The following PDE4B variants were observed in gnomAD, a reference collection of about 807,000 sequenced individuals.
PDE4B encodes phosphodiesterase 4B.
PDE4B carries 20 observed loss-of-function variants against 82.2 expected under a neutral mutation model. The ratio of observed to expected loss-of-function variants is 0.24; its 90% CI spans 0.17 to 0.35. The LOEUF (loss-of-function observed/expected upper bound fraction) is 0.35. PDE4B is among the 10% of genes least tolerant of loss of function. The pLI, the probability that PDE4B is intolerant of heterozygous loss-of-function variation, is 1.00. For synonymous variants in PDE4B, 320 were observed against 318.9 expected, an observed-to-expected ratio of 1.00 and a Z score of -0.04; for missense variants, 655 against 907.2, an observed-to-expected ratio of 0.72 and a Z score of 3.57.
intron 8 of PDE4B, among the ~76,000 whole-genome samples, chr1:66,342,739 A>C (rs1156654238): frequency 2.0e-5 from 3 of 149,494 alleles, no homozygotes; most frequent in South Asian, 2.1e-4. Context: ...TCAAAAAAAA[A>C]AAAACAAAAC....
intron 7 of PDE4B, among the ~76,000 whole-genome samples, chr1:66,280,315 A>G (rs959000821): frequency 6.6e-6 from 1 of 152,272 alleles, no homozygotes; most frequent in Non-Finnish European, 1.5e-5. Flanking sequence ...CCACACAAAC[A>G]CATCACCATT....
rs536616869 is a variant in PDE4B, at chr1:65,849,105, A to G, written c.-71+55857A>G. Among the ~76,000 whole-genome samples the G allele has an allele frequency of 9.2e-5, 14 of 152,296 alleles. No individual in the cohort carries two copies. The South Asian group carries it at 2.3e-3, about 25-fold the overall frequency. ...CAGAATAGAAAGAAGCAACCACTCT[A>G]TTTGAGAGGGCATGCTCATGGCTCA... On this transcript the variant is annotated intron_variant, in intron 1 of 16. Transcript: ENST00000341517.
Position 66,233,784 on chromosome 1 carries a change from G to A in PDE4B, c.282-13676G>A, listed in dbSNP as rs137978717. 5.5e-4 allele frequency among the ~76,000 whole-genome samples: 83 copies of A among 151,950 alleles called. No homozygotes were observed. The Middle Eastern group carries it at 0.014, about 25-fold the overall frequency. Reference sequence around the variant, plus strand: ...TAATTATGTGATTACATGTATGTTGGTTTGTTTTTCAGTCTGTTAGCATGG... The same window carrying A: ...TAATTATGTGATTACATGTATGTTGATTTGTTTTTCAGTCTGTTAGCATGG... On this transcript the variant is annotated intron_variant, in intron 3 of 16. Coordinates refer to ENST00000341517, the MANE Select transcript of PDE4B (RefSeq NM_002600.4).
chr1:65,841,381 A>AAAGGAAGG (rs71590332), intron 1 of PDE4B, among the ~76,000 whole-genome samples: 23,551 of 150,228 alleles, frequency 0.16, 1,951 homozygotes, highest in African/African-American at 0.18. Flanking sequence ...AAAGGAAAGG[A>AAAGGAAGG]AAGGAAGGAA....
intron 3 of PDE4B, among the ~76,000 whole-genome samples, chr1:66,018,234 C>T (rs906441432): frequency 1.3e-5 from 2 of 151,780 alleles, no homozygotes; most frequent in African/African-American, 2.4e-5. Flanking sequence ...TGGCTAACAC[C>T]GTGAAACCCC....
intron 3 of PDE4B, among the ~76,000 whole-genome samples, chr1:66,162,844 G>T (rs995581316): frequency 1.3e-5 from 2 of 152,086 alleles, no homozygotes; most frequent in African/African-American, 4.8e-5. Context: ...ACTGAGGAGT[G>T]AGTTAAGTAC....
At chr1:66,331,394 T>C (rs989198896) in intron 7 of PDE4B, among the ~76,000 whole-genome samples, 6 of 152,252 alleles carry the variant, frequency 3.9e-5, no homozygotes, top group Admixed American at 3.9e-4. Context: ...TGTAGCTTCA[T>C]TAATTCATCT....
At chr1:66,203,253 T>C (rs478690) in intron 3 of PDE4B, among the ~76,000 whole-genome samples, 144,628 of 151,984 alleles carry the variant, frequency 0.95, 69,221 homozygotes, top group East Asian at 1. Flanking sequence ...GTGGGTAACC[T>C]GACCTTTCTC....
chr1:66,335,400 CTG>C (rs3071498), intron 8 of PDE4B, among the ~76,000 whole-genome samples: 6,812 of 152,278 alleles, frequency 0.045, 320 homozygotes, highest in South Asian at 0.13. Context: ...AGAGAGTTAA[CTG>C]TGTTTGGTGG....
chr1:65,846,128 A>G (rs763596255), intron 1 of PDE4B, among the ~76,000 whole-genome samples: 2 of 152,194 alleles, frequency 1.3e-5, no homozygotes, highest in African/African-American at 2.4e-5. Context: ...AGCACTAGGT[A>G]GGCCTACAGG....
rs564286252 is a variant in PDE4B at position 66,158,654 on chromosome 1, G to A, written c.282-88806G>A. On this transcript the variant is annotated intron_variant, in intron 3 of 16. Coordinates refer to ENST00000341517, the MANE Select transcript of PDE4B (RefSeq NM_002600.4). The stretch of plus-strand genomic sequence containing the variant: ...TATTGTCACTCCCATGTTTATTGCC[G>A]CATTATTCACAATAGCCAAAATACG... 2.6e-5 allele frequency among the ~76,000 whole-genome samples: 4 copies of A among 152,228 alleles called. No individual in the cohort carries two copies. The South Asian group carries it at 6.2e-4, about 24-fold the overall frequency.
In PDE4B at chr1:66,047,963, G is replaced by A. The variant is rs80209020; in HGVS notation, c.281+129128G>A. 3.9e-5 allele frequency among the ~76,000 whole-genome samples: 6 copies of A among 152,020 alleles called. No homozygotes were observed. In the East Asian group the frequency reaches 7.7e-4, roughly 20 times the overall value. ...AGCTAATGGCTGTTAAGTGACAGAC[G>A]AATCATTTCCACAGAGCATGCATAC... On this transcript the variant is annotated intron_variant, in intron 3 of 16. Coordinates refer to ENST00000341517, the MANE Select transcript of PDE4B (RefSeq NM_002600.4).
At chr1:65,805,086 TC>T (rs1464326120) in intron 1 of PDE4B, among the ~76,000 whole-genome samples, 1 of 151,748 alleles carries the variant, frequency 6.6e-6, no homozygotes, top group East Asian at 1.9e-4. Context: ...AGCCTCAGCC[TC>T]CCGAGTAGCT....
chr1:66,324,156 C>T (rs1271583098), intron 7 of PDE4B, among the ~76,000 whole-genome samples: 1 of 152,124 alleles, frequency 6.6e-6, no homozygotes, highest in African/African-American at 2.4e-5. Context: ...ACATCAAAGA[C>T]ATAGTTTTGC....
In PDE4B at chr1:66,119,060, A is replaced by G. The variant is rs115485811; in HGVS notation, c.282-128400A>G. ...AATTCATCCAGAGAGATGAAGGAGCATTTACAAGGTTAAACATCAGAAGAG... is the reference window on the plus strand; with the variant it reads ...AATTCATCCAGAGAGATGAAGGAGCGTTTACAAGGTTAAACATCAGAAGAG... On this transcript the variant is annotated intron_variant, in intron 3 of 16. Transcript: ENST00000341517. 2.8e-3 allele frequency among the ~76,000 whole-genome samples: 425 copies of G among 152,296 alleles called. 1 individual carries two copies. Among genetic ancestry groups the G allele is most frequent in the African/African-American group, 9.0e-3 (375 of 41,554 alleles).
intron 1 of PDE4B, among the ~76,000 whole-genome samples, chr1:65,898,150 C>T (rs1301407957): frequency 3.3e-5 from 5 of 151,912 alleles, no homozygotes; most frequent in Non-Finnish European, 5.9e-5. Context: ...AGAAGTGTCT[C>T]TTCATGTCCT....
intron 3 of PDE4B, among the ~76,000 whole-genome samples, chr1:66,197,359 A>C (rs1312233919): frequency 6.6e-6 from 1 of 152,144 alleles, no homozygotes; most frequent in African/African-American, 2.4e-5. Flanking sequence ...ACAGAGATAA[A>C]TCAACTCACT....
chr1:66,097,609 T>G (rs1204380553), intron 3 of PDE4B, among the ~76,000 whole-genome samples: 2 of 152,068 alleles, frequency 1.3e-5, no homozygotes, highest in Non-Finnish European at 2.9e-5. Flanking sequence ...TTTTCTTCTC[T>G]AAATTTCCAG....
intron 3 of PDE4B, among the ~76,000 whole-genome samples, chr1:66,032,868 A>G: frequency 6.7e-6 from 1 of 150,272 alleles, no homozygotes; most frequent in African/African-American, 2.5e-5. Flanking sequence ...GTCAGCCAGG[A>G]TGGTCTCGAT....
Sources: gnomAD v4.1 joint callset for allele counts (sites outside exome capture counted in the v4.1 genomes callset) on GRCh38, gnomAD v4.1.1 for gene constraint, MANE v1.5 for transcripts, NCBI Gene and HGNC (gene_info 2026-07-23, HGNC 2026-07-21) for gene names.